ADGRL3: variants seen among roughly 807,000 people sequenced by gnomAD.
ADGRL3 encodes adhesion G protein-coupled receptor L3.
A neutral mutation model predicts 153.5 loss-of-function variants in ADGRL3; 62 were observed. That is an observed-to-expected ratio of 0.40 (90% confidence interval 0.33 to 0.50). The LOEUF (loss-of-function observed/expected upper bound fraction) is 0.50, where lower values mean the gene tolerates loss of function less well. Ranked by LOEUF, ADGRL3 falls within the 20% of genes least tolerant of loss-of-function variation. ADGRL3 has a pLI of 0.47. For synonymous variants in ADGRL3, 710 were observed against 672.5 expected, an observed-to-expected ratio of 1.06 and a Z score of -0.86; for missense variants, 1,641 against 1,859.4, an observed-to-expected ratio of 0.88 and a Z score of 2.16.
chr4:61,475,317 C>T (rs1438130416), intron 2 of ADGRL3, among the ~76,000 whole-genome samples: 1 of 152,182 alleles, frequency 6.6e-6, no homozygotes, highest in Admixed American at 6.5e-5. Flanking sequence ...ATACAATTAA[C>T]AAAACCACTA....
rs577624557 is a variant in ADGRL3 at position 61,363,339 on chromosome 4, A to T, written c.-239-19785A>T. Among the ~76,000 whole-genome samples the T allele has an allele frequency of 6.3e-3, 927 of 147,000 alleles. 9 individuals carry two copies. Among genetic ancestry groups the T allele is most frequent in the African/African-American group, 0.021 (847 of 39,868 alleles). ...CAATTAATTGAAGTAAAAGCCGGTA[A>T]TTTTTTTTTTTTTGGATTTTTAAAT... On this transcript the variant is annotated intron_variant, in intron 1 of 26. Transcript: ENST00000683033.
At chr4:61,906,999 C>G (rs2098698961) in intron 11 of ADGRL3, among the ~76,000 whole-genome samples, 1 of 151,880 alleles carries the variant, frequency 6.6e-6, no homozygotes, top group Non-Finnish European at 1.5e-5. Flanking sequence ...GTTGGACTGC[C>G]TTTAAAAAGG....
At chr4:61,978,110 G>T (rs2150778841) in intron 17 of ADGRL3, among the ~76,000 whole-genome samples, 1 of 152,122 alleles carries the variant, frequency 6.6e-6, no homozygotes, top group East Asian at 1.9e-4. Context: ...AACTAAATGT[G>T]GCAACTTCCA....
intron 19 of ADGRL3, among the ~76,000 whole-genome samples, chr4:61,989,182 G>T (rs2099095684): frequency 6.6e-6 from 1 of 152,006 alleles, no homozygotes; most frequent in African/African-American, 2.4e-5. Flanking sequence ...AGTTAAGGAA[G>T]ATTGAACTTG....
chr4:61,670,971 T>G (rs12503557), intron 5 of ADGRL3, among the ~76,000 whole-genome samples: 151,221 of 152,244 alleles, frequency 0.99, 75,115 homozygotes, highest in Middle Eastern at 1. Flanking sequence ...AAGCATTTTG[T>G]TATAACAGGA....
chr4:61,892,697 A>G lies in ADGRL3; in HGVS notation c.1522A>G (p.Thr508Ala), dbSNP rs372521805. ...ACCTCTTGGCATGGGAAGCACTACC[A>G]CCAGTACCACCCTTCGGACCACAAC... ...TGPLGMGSTT[T>A]STTLRTTTLS... Residue 508 changes from threonine to alanine, a missense_variant, in exon 10 of 27, where the codon ACC (threonine) becomes GCC (alanine). By Grantham distance (58) the Thr-to-Ala change is moderately conservative. Transcript: ENST00000683033. 3 of 1,613,836 alleles carry G rather than the reference A, an allele frequency of 1.9e-6. No individual in the cohort carries two copies. Among genetic ancestry groups the G allele is most frequent in the African/African-American group, 2.7e-5 (2 of 74,918 alleles).
chr4:61,288,392 C>G (rs941827181), intron 1 of ADGRL3, among the ~76,000 whole-genome samples: 4 of 151,902 alleles, frequency 2.6e-5, no homozygotes, highest in Admixed American at 1.3e-4. Context: ...GACCGACTCT[C>G]TTTTCAAAAT....
At chr4:61,919,886 G>A (rs929537338) in intron 13 of ADGRL3, among the ~76,000 whole-genome samples, 1 of 152,166 alleles carries the variant, frequency 6.6e-6, no homozygotes, top group Non-Finnish European at 1.5e-5. Context: ...ATAAACAAAT[G>A]TTCCAGCTGC....
At chr4:61,403,960 T>A (rs7698242) in intron 2 of ADGRL3, among the ~76,000 whole-genome samples, 1 of 152,022 alleles carries the variant, frequency 6.6e-6, no homozygotes, top group Non-Finnish European at 1.5e-5. Context: ...TATCGTCTTA[T>A]TTAATCTTAA....
In ADGRL3 at chr4:61,618,895, T is replaced by C. The variant is rs2092283210; in HGVS notation, c.473+31455T>C. Among the ~76,000 whole-genome samples the C allele has an allele frequency of 2.0e-5, 3 of 152,200 alleles. No homozygotes were observed. In the South Asian group the frequency reaches 6.2e-4, roughly 32 times the overall value. On this transcript the variant is annotated intron_variant, in intron 5 of 26. Coordinates refer to ENST00000683033, the MANE Select transcript of ADGRL3 (RefSeq NM_001387552.1). ...CAATACGCAGCTAATTTTTGTGTGT[T>C]TTTTGTGGAGACAGGGTTTCTATGT...
At chr4:61,291,798 T>TG (rs2094226204) in intron 1 of ADGRL3, among the ~76,000 whole-genome samples, 1 of 149,016 alleles carries the variant, frequency 6.7e-6, no homozygotes, top group South Asian at 2.2e-4. Context: ...TAATATAAAA[T>TG]GGAGACGTTC....
intron 5 of ADGRL3, among the ~76,000 whole-genome samples, chr4:61,633,991 T>A (rs944670333): frequency 1.9e-4 from 29 of 151,926 alleles, no homozygotes; most frequent in Admixed American, 9.8e-4. Flanking sequence ...TTGGAGCAAC[T>A]CTAATACCAA....
At chr4:61,527,325 T>C (rs1349302281) in intron 4 of ADGRL3, among the ~76,000 whole-genome samples, 1 of 152,102 alleles carries the variant, frequency 6.6e-6, no homozygotes, top group Non-Finnish European at 1.5e-5. Context: ...TTGAATGGTC[T>C]GTGAAGGTAT....
At chr4:61,947,973 C>T in intron 16 of ADGRL3, 127 bp from the exon 17 acceptor site, 1 of 686,608 alleles carries the variant, frequency 1.5e-6, no homozygotes, top group East Asian at 2.7e-5. Flanking sequence ...ACTTATGAAA[C>T]CATTGGTAGA....
At chr4:61,990,802 A>G (rs1198018969) in intron 19 of ADGRL3, among the ~76,000 whole-genome samples, 1 of 151,844 alleles carries the variant, frequency 6.6e-6, no homozygotes, top group East Asian at 1.9e-4. Flanking sequence ...GTAGCCACAG[A>G]GAGTTTGGAG....
rs772972910 is a variant in ADGRL3, at chr4:61,587,344, A to G, written c.377A>G (p.Tyr126Cys). 6.2e-7 allele frequency: 1 copy of G among 1,612,286 alleles called. No homozygotes were observed. Among genetic ancestry groups the G allele is most frequent in the Non-Finnish European group, 8.5e-7 (1 of 1,178,898 alleles). The change falls in exon 5 of 27, where the codon TAT becomes TGT. Residue 126 changes from tyrosine to cysteine, a missense_variant. Coordinates refer to ENST00000683033, the MANE Select transcript of ADGRL3 (RefSeq NM_001387552.1). ...GTCATCATGATAGAAAGTGCCAACT[A>G]TGGCAGGACTGATGACAAAATTTGT... is the stretch of plus-strand genomic sequence containing the variant. ...TDVIMIESAN[Y>C]GRTDDKICDS...
chr4:61,522,745 G>A (rs797018584), intron 4 of ADGRL3, among the ~76,000 whole-genome samples: 86 of 152,222 alleles, frequency 5.6e-4, no homozygotes, highest in African/African-American at 1.9e-3. Context: ...CCTACATCTA[G>A]TTTAACAAAG....
Position 61,732,842 on chromosome 4 carries a change from C to T in ADGRL3, c.687C>T (p.Asp229=), listed in dbSNP as rs1305673915. 4.3e-6 allele frequency: 7 copies of T among 1,612,946 alleles called. No individual in the cohort carries two copies. Among genetic ancestry groups the T allele is most frequent in the Middle Eastern group, 1.6e-4 (1 of 6,062 alleles). ...SDHQSGAWCK[D]PLQASDKIYY... is the part of the protein sequence containing the mutation. Reference sequence around the variant, plus strand: ...ACCAATCTGGGGCGTGGTGCAAAGACCCTCTGCAGGCATCTGACAAGATTT... The same window carrying T: ...ACCAATCTGGGGCGTGGTGCAAAGATCCTCTGCAGGCATCTGACAAGATTT... The change falls in exon 8 of 27, where the codon GAC becomes GAT. Residue 229 remains aspartate, a synonymous_variant. Coordinates refer to ENST00000683033, the MANE Select transcript of ADGRL3 (RefSeq NM_001387552.1).
intron 21 of ADGRL3, among the ~76,000 whole-genome samples, chr4:62,005,299 C>T (rs564617826): frequency 1.3e-5 from 2 of 152,166 alleles, no homozygotes; most frequent in African/African-American, 4.8e-5. Context: ...CATTAAATTT[C>T]CCATATGATC....
Sources: allele counts gnomAD v4.1 joint callset (sites outside exome capture counted in the v4.1 genomes callset), GRCh38; gene constraint gnomAD v4.1.1; transcripts MANE v1.5; gene names NCBI Gene and HGNC (gene_info 2026-07-23, HGNC 2026-07-21).